DENND4C: variants seen among roughly 807,000 people sequenced by gnomAD.
The protein encoded by DENND4C is DENN domain-containing protein 4C.
Under a neutral mutation model 203.0 loss-of-function variants are expected in DENND4C, and 108 were observed. That is an observed-to-expected ratio of 0.53 (90% CI 0.46 to 0.62). The LOEUF is 0.62. Ranked by LOEUF, DENND4C falls within the 20% of genes least tolerant of loss-of-function variation. DENND4C has a pLI of 0.00. For synonymous variants in DENND4C, 871 were observed against 792.4 expected, an observed-to-expected ratio of 1.10 and a Z score of -1.67; for missense variants, 2,481 against 2,301.2, an observed-to-expected ratio of 1.08 and a Z score of -1.60.
Position 19,346,742 on chromosome 9 carries a change from A to AG in DENND4C, c.3974dup (p.Ser1326IlefsTer16), listed in dbSNP as rs1807629422. 6.2e-7 allele frequency: 1 copy of AG among 1,614,052 alleles called. No homozygotes were observed. Among genetic ancestry groups the AG allele is most frequent in the Non-Finnish European group, 8.5e-7 (1 of 1,180,014 alleles). On this transcript the variant is annotated frameshift_variant, in exon 23 of 33. Coordinates refer to ENST00000434457, the MANE Select transcript of DENND4C (RefSeq NM_001330640.2). LOFTEE classifies it high-confidence loss of function. ...TGCATTTATTCATGCTCTAGAGAGG[A>AG]GATCAAGCCTACCTTTAGATCATGG...
In DENND4C at chr9:19,315,506, CATGTATGTATATACATGTATAT is replaced by C. The variant is rs1449309863; in HGVS notation, c.1488-902_1488-881del. 2.9e-4 allele frequency among the ~76,000 whole-genome samples: 43 copies of C among 147,432 alleles called. 1 individual carries two copies. The Middle Eastern group carries it at 0.014, about 49-fold the overall frequency. ...TATTCTTGGAATATATATATATATACATGTATGTATATACATGTATATATGTATGTGTATATATATACGTGTA... is the reference window on the plus strand; with the variant it reads ...TATTCTTGGAATATATATATATATACATGTATGTGTATATATATACGTGTA... On this transcript the variant is annotated intron_variant, in intron 10 of 32. Coordinates refer to ENST00000434457, the MANE Select transcript of DENND4C (RefSeq NM_001330640.2).
intron 1 of DENND4C, among the ~76,000 whole-genome samples, chr9:19,260,968 A>G (rs1335511665): frequency 6.6e-6 from 1 of 152,118 alleles, no homozygotes; most frequent in African/African-American, 2.4e-5. Context: ...AGTATCCCCA[A>G]TATTTTCTTG....
rs1042081271 is a variant in DENND4C at position 19,352,310 on chromosome 9, G to A, written c.4605+128G>A. On this transcript the variant is annotated intron_variant, in intron 25 of 32. Transcript: ENST00000434457. Reference sequence around the variant, plus strand: ...TAAAATAAGTCATTTTGTTGAATTTGCTTGATGTCTTATGTAAGTAAGACA... The same window carrying A: ...TAAAATAAGTCATTTTGTTGAATTTACTTGATGTCTTATGTAAGTAAGACA... 3.6e-5 allele frequency: 38 copies of A among 1,055,660 alleles called. No individual in the cohort carries two copies. The African/African-American group carries it at 5.5e-4, about 15-fold the overall frequency. The allele number at this position is 1,055,660 out of a possible 1,614,324, so 65.4% of individuals were successfully genotyped here. A position where few individuals can be genotyped will look rare whatever the true frequency, so the allele number is the denominator to read the frequency against.
chr9:19,238,083 CT>C (rs539266824), intron 1 of DENND4C, among the ~76,000 whole-genome samples: 303 of 138,254 alleles, frequency 2.2e-3, no homozygotes, highest in Non-Finnish European at 1.9e-3. Context: ...TTCTTTCTTT[CT>C]TTTTTTTTTT....
At chr9:19,235,827 T>C (rs1303458736) in intron 1 of DENND4C, among the ~76,000 whole-genome samples, 1 of 151,972 alleles carries the variant, frequency 6.6e-6, no homozygotes, top group Non-Finnish European at 1.5e-5. Context: ...CTCGATCTTT[T>C]GACCTTGTGA....
At chr9:19,319,542 T>C (rs1435072532) in intron 12 of DENND4C, among the ~76,000 whole-genome samples, 1 of 150,824 alleles carries the variant, frequency 6.6e-6, no homozygotes, top group Non-Finnish European at 1.5e-5. Context: ...ACCAGAGTGA[T>C]GAGCTTTAGA....
At chr9:19,336,534 A>G in intron 19 of DENND4C, 120 bp downstream of exon 19, 1 of 1,442,660 alleles carries the variant, frequency 6.9e-7, no homozygotes, top group South Asian at 1.5e-5. Flanking sequence ...CATACATTTA[A>G]AGACAGATTG....
intron 10 of DENND4C, among the ~76,000 whole-genome samples, chr9:19,308,502 C>T (rs1189622079): frequency 6.6e-6 from 1 of 152,020 alleles, no homozygotes. Context: ...GTACATTTTC[C>T]TGTTAGATTG....
intron 1 of DENND4C, among the ~76,000 whole-genome samples, chr9:19,233,561 C>CT (rs11438629): frequency 0.68 from 89,624 of 131,200 alleles, 30,984 homozygotes; most frequent in East Asian, 0.76. Flanking sequence ...TATTTGAAAC[C>CT]TTTTTTTTTT....
At chr9:19,248,026 G>A (rs1774063968) in intron 1 of DENND4C, among the ~76,000 whole-genome samples, 1 of 151,916 alleles carries the variant, frequency 6.6e-6, no homozygotes, top group Admixed American at 6.6e-5. Flanking sequence ...CCTTCTATCT[G>A]CTCTCCCTTG....
chr9:19,279,690 A>G (rs1465942495), intron 2 of DENND4C, among the ~76,000 whole-genome samples: 1 of 151,546 alleles, frequency 6.6e-6, no homozygotes, highest in Non-Finnish European at 1.5e-5. Flanking sequence ...ACAAAAAAAA[A>G]AAAAAAATTA....
chr9:19,337,616 G>T (rs754550117), intron 20 of DENND4C: 6 of 1,283,488 alleles, frequency 4.7e-6, no homozygotes, highest in Non-Finnish European at 5.1e-6. Context: ...CTTATATGAC[G>T]TGAAGCTATG....
chr9:19,235,321 A>C (rs1283462155), intron 1 of DENND4C, among the ~76,000 whole-genome samples: 1 of 152,226 alleles, frequency 6.6e-6, no homozygotes, highest in Non-Finnish European at 1.5e-5. Flanking sequence ...GGCTGCTACA[A>C]TATAGTATTT....
intron 1 of DENND4C, among the ~76,000 whole-genome samples, chr9:19,256,229 A>G (rs997332243): frequency 6.6e-6 from 1 of 152,084 alleles, no homozygotes; most frequent in Non-Finnish European, 1.5e-5. Context: ...GAAAATTCCC[A>G]AGTACTGAAT....
chr9:19,295,861 G>T, intron 5 of DENND4C, 147 bp from the exon 6 acceptor site: 1 of 598,674 alleles, frequency 1.7e-6, no homozygotes, highest in Non-Finnish European at 2.8e-6. Context: ...TTATCTCTGG[G>T]ACAGAAATTT....
At chr9:19,249,362 C>T (rs1311738780) in intron 1 of DENND4C, among the ~76,000 whole-genome samples, 1 of 151,748 alleles carries the variant, frequency 6.6e-6, no homozygotes, top group Admixed American at 6.6e-5. Context: ...AAATGATTCT[C>T]CTGCCTCAGC....
At chr9:19,244,123 C>T (rs958501785) in intron 1 of DENND4C, among the ~76,000 whole-genome samples, 4 of 152,246 alleles carry the variant, frequency 2.6e-5, no homozygotes, top group East Asian at 3.9e-4. Context: ...CTCCGCCTCC[C>T]GGGTTTAAGC....
At chr9:19,324,978 A>C (rs563028800) in intron 13 of DENND4C, among the ~76,000 whole-genome samples, 3 of 152,248 alleles carry the variant, frequency 2.0e-5, no homozygotes, top group Non-Finnish European at 4.4e-5. Flanking sequence ...TTGGCCTCCC[A>C]AATCCTTGGG....
At chr9:19,242,544 A>G (rs1824021400) in intron 1 of DENND4C, among the ~76,000 whole-genome samples, 1 of 152,172 alleles carries the variant, frequency 6.6e-6, no homozygotes, top group Admixed American at 6.5e-5. Flanking sequence ...TTCCATCAGC[A>G]GTGAATGTTA....
Sources: allele counts gnomAD v4.1 joint callset (sites outside exome capture counted in the v4.1 genomes callset), GRCh38; gene constraint gnomAD v4.1.1; transcripts MANE v1.5; gene names NCBI Gene and HGNC (gene_info 2026-07-23, HGNC 2026-07-21).